Variants in COQ10A observed in about 807,000 individuals in gnomAD.
COQ10A encodes the protein coenzyme Q-binding protein COQ10 homolog A, mitochondrial.
A neutral mutation model predicts 26.1 loss-of-function variants in COQ10A; 25 were observed. That is an observed-to-expected ratio of 0.96 (90% confidence interval 0.70 to 1.34). COQ10A has a LOEUF of 1.34. COQ10A is among the 40% of genes most tolerant of loss of function. COQ10A has a pLI of 0.00. For missense variants in COQ10A, 312 were observed against 335.4 expected (o/e 0.93, Z 0.54); for synonymous variants, 132 against 124.0 (o/e 1.06, Z -0.43).
Position 56,267,627 on chromosome 12 carries a change from A to G in COQ10A, c.135-167A>G, listed in dbSNP as rs1872389167. On this transcript the variant is annotated intron_variant, in intron 1 of 4. Coordinates refer to ENST00000308197, the MANE Select transcript of COQ10A (RefSeq NM_144576.4). ...TCCTTAGCTGCCCTCGACCTTTTGCACTCGTGACTCCCTGGCCAGAGAGAG... is the reference window on the plus strand; with the variant it reads ...TCCTTAGCTGCCCTCGACCTTTTGCGCTCGTGACTCCCTGGCCAGAGAGAG... 3 of 1,182,408 alleles carry G rather than the reference A, an allele frequency of 2.5e-6. No homozygotes were observed. The East Asian group carries it at 7.0e-5, about 28-fold the overall frequency. 73.2% of individuals were successfully genotyped at this position (1,182,408 alleles called of 1,614,324 possible). A position where few individuals can be genotyped will look rare whatever the true frequency, so the allele number is the denominator to read the frequency against.
At chr12:56,268,029 G>T in intron 2 of COQ10A, 89 bp downstream of exon 2, 2 of 1,516,054 alleles carry the variant, frequency 1.3e-6, no homozygotes, top group Non-Finnish European at 1.8e-6. Flanking sequence ...TCATCGGTGG[G>T]CAAGATTCAT....
At position 56,269,474 on chromosome 12, in the gene COQ10A, T is replaced by A. The variant is rs764179169; in HGVS notation, c.489T>A (p.Asp163Glu). The A allele has an allele frequency of 8.1e-6, 13 of 1,613,922 alleles. No homozygotes were observed. Among genetic ancestry groups the A allele is most frequent in the Non-Finnish European group, 1.0e-5 (12 of 1,179,872 alleles). ...CCCTATTCTAGGCTGTTTGTACTGA[T>A]GGCAAGCTCTTCAACCACTTAGAGA... Reference protein sequence around the residue: ...KPHMVKAVCTDGKLFNHLETI... With the variant: ...KPHMVKAVCTEGKLFNHLETI... Residue 163 changes from aspartate to glutamate, a missense_variant, in exon 4 of 5, where the codon GAT (aspartate) becomes GAA (glutamate). By Grantham distance (45) the Asp-to-Glu change is conservative. Transcript: ENST00000308197.
Position 56,266,977 on chromosome 12 carries a change from G to A in COQ10A, c.-142G>A, listed in dbSNP as rs949340788. 1.1e-5 allele frequency: 10 copies of A among 873,228 alleles called. No individual in the cohort carries two copies. Among genetic ancestry groups the A allele is most frequent in the African/African-American group, 1.1e-4 (6 of 56,608 alleles). The allele number at this position is 873,228 out of a possible 1,614,324, so 54.1% of individuals were successfully genotyped here. A position where few individuals can be genotyped will look rare whatever the true frequency, so the allele number is the denominator to read the frequency against. On this transcript the variant is annotated 5_prime_UTR_variant, in exon 1 of 5. Coordinates refer to ENST00000308197, the MANE Select transcript of COQ10A (RefSeq NM_144576.4). The stretch of plus-strand genomic sequence containing the variant: ...TACCCGGCAGCCTGGACGGGAGCAA[G>A]GCGAGAGGTGCTGCCGCCTCCCGTC...
rs1872393708 is a variant in COQ10A at position 56,267,774 on chromosome 12, C to T, written c.135-20C>T. ...ATTACGAAGAACTATACGGTTGGCT[C>T]CTCTTTCCTTTGGCCTTAGGTTTCT... On this transcript the variant is annotated intron_variant, in intron 1 of 4. Transcript: ENST00000308197. The T allele has an allele frequency of 6.2e-7, 1 of 1,614,006 alleles. No individual in the cohort carries two copies. The highest frequency in any genetic ancestry group is 8.5e-7 in the Non-Finnish European group (1 of 1,180,020).
chr12:56,267,403 T>C, intron 1 of COQ10A, 151 bp downstream of exon 1: 1 of 1,613,880 alleles, frequency 6.2e-7, no homozygotes, highest in Non-Finnish European at 8.5e-7. Flanking sequence ...ATAATGCTTT[T>C]GCAAGTTGTA....
At chr12:56,270,022 C>A in intron 4 of COQ10A, 128 bp from the exon 5 acceptor site, 1 of 891,212 alleles carries the variant, frequency 1.1e-6, no homozygotes, top group Non-Finnish European at 1.8e-6. Flanking sequence ...CAAGTTAGGG[C>A]TCTTACGGGG....
rs1192753043 is a variant in COQ10A at position 56,267,115 on chromosome 12, G to A, written c.-4G>A. The A allele has an allele frequency of 1.6e-6, 2 of 1,288,368 alleles. No individual in the cohort carries two copies. The highest frequency in any genetic ancestry group is 4.2e-5 in the Admixed American group (1 of 24,096). The allele number at this position is 1,288,368 out of a possible 1,614,324, so 79.8% of individuals were successfully genotyped here. On this transcript the variant is annotated 5_prime_UTR_variant, in exon 1 of 5. Coordinates refer to ENST00000308197, the MANE Select transcript of COQ10A (RefSeq NM_144576.4). ...AACTTAGAGGGCCAGGCAGGGTCGC[G>A]CGCATGGCCTGGGCGGGCTCGCGGC...
At chr12:56,269,690 C>T (rs766182316) in intron 4 of COQ10A, 129 bp downstream of exon 4, 9 of 741,776 alleles carry the variant, frequency 1.2e-5, no homozygotes, top group Non-Finnish European at 1.9e-5. Flanking sequence ...TGCAATGGCA[C>T]GATCTTGGCT....
At position 56,270,725 on chromosome 12, in the gene COQ10A, C is replaced by T. The variant is rs1872495638; in HGVS notation, c.*408C>T. On this transcript the variant is annotated 3_prime_UTR_variant, in exon 5 of 5. Coordinates refer to ENST00000308197, the MANE Select transcript of COQ10A (RefSeq NM_144576.4). The stretch of plus-strand genomic sequence containing the variant: ...GTACTGAGTGGTAAGTAACTTTTAC[C>T]CTGCCTGAGATTCCTCAGGAGAAAA... 6.5e-6 allele frequency: 1 copy of T among 154,828 alleles called. No homozygotes were observed. The highest frequency in any genetic ancestry group is 6.5e-5 in the Admixed American group (1 of 15,382). The allele number at this position is 154,828 out of a possible 1,614,324, so 9.6% of individuals were successfully genotyped here.
chr12:56,269,774 C>T (rs1467831611), intron 4 of COQ10A: 6 of 547,016 alleles, frequency 1.1e-5, no homozygotes, highest in Non-Finnish European at 2.0e-5. Context: ...ATTACAGGAG[C>T]CTGCTACCAA....
At position 56,270,001 on chromosome 12, in the gene COQ10A, G is replaced by A. The variant is rs768076433; in HGVS notation, c.577-149G>A. On this transcript the variant is annotated intron_variant, in intron 4 of 4. Coordinates refer to ENST00000308197, the MANE Select transcript of COQ10A (RefSeq NM_144576.4). ...TGAGCTTGTGTCAGACTCGTACTCC[G>A]TGCTCAGTCCCAAGTTAGGGCTCTT... 1.2e-5 allele frequency: 9 copies of A among 726,816 alleles called. 1 individual carries two copies. Among genetic ancestry groups the A allele is most frequent in the Non-Finnish European group, 1.9e-5 (8 of 425,490 alleles). The allele number at this position is 726,816 out of a possible 1,614,324, so 45.0% of individuals were successfully genotyped here.
intron 1 of COQ10A, 147 bp downstream of exon 1, chr12:56,267,399 C>G (rs575815955): frequency 2.9e-5 from 47 of 1,613,944 alleles, no homozygotes; most frequent in Non-Finnish European, 3.6e-5. Flanking sequence ...TTGGATAATG[C>G]TTTTGCAAGT....
chr12:56,270,542 C>T lies in COQ10A; in HGVS notation c.*225C>T, dbSNP rs770989680. 7.2e-4 allele frequency: 375 copies of T among 519,948 alleles called. 2 individuals carry two copies. Among genetic ancestry groups the T allele is most frequent in the Non-Finnish European group, 1.1e-3 (337 of 293,458 alleles). The allele number at this position is 519,948 out of a possible 1,614,324, so 32.2% of individuals were successfully genotyped here. On this transcript the variant is annotated 3_prime_UTR_variant, in exon 5 of 5. Transcript: ENST00000308197. ...GTGCTTAGGAAAGGGTCAGGCCCAT[C>T]GTAGGAGCACCATATGCCTGCAGCC... is the stretch of plus-strand genomic sequence containing the variant.
chr12:56,269,452 T>C lies in COQ10A; in HGVS notation c.475-8T>C. On this transcript the variant is annotated splice_polypyrimidine_tract_variant and splice_region_variant and intron_variant, in intron 3 of 4. Transcript: ENST00000308197. ...ATGTTATTTAACTACCTGATTACCC[T>C]ATTCTAGGCTGTTTGTACTGATGGC... The C allele has an allele frequency of 6.2e-7, 1 of 1,607,588 alleles. No individual in the cohort carries two copies. Among genetic ancestry groups the C allele is most frequent in the Non-Finnish European group, 8.5e-7 (1 of 1,174,024 alleles).
In COQ10A at chr12:56,270,261, G is replaced by A; in HGVS notation, c.688G>A (p.Gly230Ser). The A allele has an allele frequency of 6.2e-7, 1 of 1,614,090 alleles. No individual in the cohort carries two copies. The highest frequency in any genetic ancestry group is 1.7e-5 in the Admixed American group (1 of 60,012). ...AFERRAATKFGPETAIPRELM... is the reference protein window; with the variant it reads ...AFERRAATKFSPETAIPRELM... Reference sequence around the variant, plus strand: ...TGAGCGTCGGGCAGCCACCAAGTTTGGTCCAGAAACAGCCATCCCCCGTGA... The same window carrying A: ...TGAGCGTCGGGCAGCCACCAAGTTTAGTCCAGAAACAGCCATCCCCCGTGA... The change falls in exon 5 of 5, where the codon GGT (glycine) becomes AGT (serine). Residue 230 changes from glycine (G) to serine (S), a missense_variant. Transcript: ENST00000308197.
intron 1 of COQ10A, chr12:56,267,505 G>C (rs1872385680): frequency 1.9e-6 from 3 of 1,579,738 alleles, no homozygotes; most frequent in Non-Finnish European, 2.6e-6. Flanking sequence ...CTTCCTTAAA[G>C]TCTTAGCTTT....
At chr12:56,267,681 GA>G in intron 1 of COQ10A, 112 bp from the exon 2 acceptor site, 4 of 1,454,604 alleles carry the variant, frequency 2.7e-6, no homozygotes, top group Admixed American at 1.7e-5. Context: ...GTGCTGGGGG[GA>G]AAGCTTGTTT....
intron 2 of COQ10A, chr12:56,268,262 G>A: frequency 3.4e-6 from 1 of 296,200 alleles, no homozygotes; most frequent in Non-Finnish European, 6.5e-6. Context: ...TTTTAGGTCA[G>A]GAGTTCGAGA....
chr12:56,269,362 TC>T, intron 3 of COQ10A, 97 bp from the exon 4 acceptor site: 2 of 1,451,002 alleles, frequency 1.4e-6, no homozygotes, highest in South Asian at 2.3e-5. Flanking sequence ...GTCAAGTATT[TC>T]CCTCATATCA....
Sources: gnomAD v4.1 joint callset for allele counts on GRCh38, gnomAD v4.1.1 for gene constraint, MANE v1.5 for transcripts, NCBI Gene and HGNC (gene_info 2026-07-23, HGNC 2026-07-21) for gene names.